Variants in GRIN2A observed in about 807,000 individuals in gnomAD.
The protein encoded by GRIN2A is glutamate ionotropic receptor NMDA type subunit 2A, also known as glutamate receptor ionotropic, NMDA 2A.
GRIN2A carries 22 observed loss-of-function variants against 113.4 expected under a neutral mutation model. That is an observed-to-expected ratio of 0.19 (90% CI 0.14 to 0.28). The LOEUF (loss-of-function observed/expected upper bound fraction) is 0.28, where lower values mean the gene tolerates loss of function less well. Among genes scored for constraint, GRIN2A ranks in the 10% least tolerant of loss-of-function variants. The pLI, the probability that GRIN2A is intolerant of heterozygous loss-of-function variation, is 1.00. For synonymous variants in GRIN2A, 827 were observed against 738.4 expected (o/e 1.12, Z -1.94); for missense variants, 1,502 against 1,887.0 (o/e 0.80, Z 3.78).
At chr16:9,855,036 T>A (rs1241692479) in intron 4 of GRIN2A, among the ~76,000 whole-genome samples, 1 of 151,786 alleles carries the variant, frequency 6.6e-6, no homozygotes, top group Admixed American at 6.6e-5. Flanking sequence ...GCTGTATACA[T>A]GTACATGTAT....
intron 9 of GRIN2A, 93 bp from the exon 10 acceptor site, chr16:9,822,517 T>C: frequency 1.1e-6 from 1 of 870,648 alleles, no homozygotes; most frequent in Non-Finnish European, 1.9e-6. Context: ...TAGTGATCAT[T>C]TTGTCTGGTG....
At chr16:10,052,093 T>G (rs1052431220) in intron 2 of GRIN2A, among the ~76,000 whole-genome samples, 1 of 152,230 alleles carries the variant, frequency 6.6e-6, no homozygotes, top group Non-Finnish European at 1.5e-5. Flanking sequence ...TAGTGGCCAG[T>G]AGACAATGGC....
intron 2 of GRIN2A, among the ~76,000 whole-genome samples, chr16:9,966,459 C>A (rs555434786): frequency 1.3e-5 from 2 of 152,278 alleles, no homozygotes; most frequent in East Asian, 1.9e-4. Context: ...TCATCCTTTT[C>A]TTATGGCTGC....
chr16:9,920,128 G>A (rs770544579), intron 3 of GRIN2A, among the ~76,000 whole-genome samples: 6 of 152,100 alleles, frequency 3.9e-5, no homozygotes, highest in Non-Finnish European at 7.3e-5. Flanking sequence ...TGTTTTGTGC[G>A]TGACTGTGTG....
rs549928199 is a variant in GRIN2A at position 9,922,857 on chromosome 16, T to G, written c.1007+15102A>C. 5.6e-4 allele frequency among the ~76,000 whole-genome samples: 85 copies of G among 152,366 alleles called. 2 individuals are homozygous for G. In the South Asian group the frequency reaches 0.017, roughly 31 times the overall value. On this transcript the variant is annotated intron_variant, in intron 3 of 12. Coordinates refer to ENST00000330684, the MANE Select transcript of GRIN2A (RefSeq NM_001134407.3). ...TTTCAAAGTGGTCACAGAAATACTT[T>G]GTGTTAGTGAATCCTTTTAAATATA...
intron 3 of GRIN2A, 50 bp from the exon 4 acceptor site, chr16:9,891,150 A>G (rs2043687880): frequency 1.9e-6 from 2 of 1,058,274 alleles, no homozygotes; most frequent in African/African-American, 3.1e-5. Flanking sequence ...AATTAGAGCA[A>G]TCGAACAAAT....
chr16:9,827,715 C>G (rs2042412220), intron 9 of GRIN2A, among the ~76,000 whole-genome samples: 1 of 152,152 alleles, frequency 6.6e-6, no homozygotes, highest in Non-Finnish European at 1.5e-5. Flanking sequence ...AAAGGTGGGG[C>G]TGGGCACACA....
chr16:9,988,288 T>TGTGTGTGTGTGC (rs1194967378), intron 2 of GRIN2A, among the ~76,000 whole-genome samples: 2 of 120,556 alleles, frequency 1.7e-5, no homozygotes, highest in Non-Finnish European at 3.8e-5. Context: ...TGTGTGCGTG[T>TGTGTGTGTGTGC]GTGTGTGTGT....
At chr16:10,095,042 G>C (rs8062512) in intron 2 of GRIN2A, among the ~76,000 whole-genome samples, 3 of 151,942 alleles carry the variant, frequency 2.0e-5, no homozygotes, top group Admixed American at 2.0e-4. Flanking sequence ...AGGACCCCAG[G>C]TTGATAGGAC....
intron 7 of GRIN2A, 64 bp downstream of exon 7, chr16:9,840,583 T>C (rs994628543): frequency 6.7e-7 from 1 of 1,484,314 alleles, no homozygotes; most frequent in Non-Finnish European, 9.4e-7. Context: ...TCCCATCCTC[T>C]GAGCAAACAA....
At chr16:9,884,617 T>C (rs890372134) in intron 4 of GRIN2A, among the ~76,000 whole-genome samples, 1 of 151,978 alleles carries the variant, frequency 6.6e-6, no homozygotes, top group Non-Finnish European at 1.5e-5. Context: ...AGAATTATTC[T>C]CAAAGCATTT....
chr16:9,968,262 TTGTATGTA>T (rs71157795), intron 2 of GRIN2A, among the ~76,000 whole-genome samples: 2,029 of 150,238 alleles, frequency 0.014, 33 homozygotes, highest in East Asian at 0.064. Flanking sequence ...CTCTATTGAC[TTGTATGTA>T]TGTATGTATG....
intron 3 of GRIN2A, among the ~76,000 whole-genome samples, chr16:9,914,096 TA>T (rs61449281): frequency 0.032 from 4,501 of 141,344 alleles, 172 homozygotes; most frequent in African/African-American, 0.091. Flanking sequence ...CATTCTTGGT[TA>T]AAAAAAAAAA....
intron 2 of GRIN2A, among the ~76,000 whole-genome samples, chr16:10,037,692 C>T (rs903567316): frequency 6.6e-6 from 1 of 152,116 alleles, no homozygotes; most frequent in Non-Finnish European, 1.5e-5. Flanking sequence ...GCGGAGTGAT[C>T]AGAGTTCACT....
chr16:9,840,594 G>T, intron 7 of GRIN2A, 53 bp downstream of exon 7: 1 of 1,545,466 alleles, frequency 6.5e-7, no homozygotes, highest in Non-Finnish European at 8.9e-7. Context: ...GAGCAAACAA[G>T]ATTTCCTACA....
intron 2 of GRIN2A, among the ~76,000 whole-genome samples, chr16:10,152,247 G>C (rs1433979500): frequency 6.6e-6 from 1 of 152,168 alleles, no homozygotes; most frequent in Admixed American, 6.5e-5. Context: ...AAGTTAGGAA[G>C]AGTCAGGGTT....
rs114900151 is a variant in GRIN2A at position 9,969,505 on chromosome 16, C to T, written c.415-30954G>A. Among the ~76,000 whole-genome samples, 1,296 of 152,256 alleles carry T rather than the reference C, an allele frequency of 8.5e-3. 21 individuals carry two copies. The highest frequency in any genetic ancestry group is 0.03 in the African/African-American group (1,252 of 41,542). On this transcript the variant is annotated intron_variant, in intron 2 of 12. Transcript: ENST00000330684. ...CAATGCCTTCCAAATCCAGATCATT[C>T]CACTGGGCTTTGATATTTAAAGAAC... is the stretch of plus-strand genomic sequence containing the variant.
At chr16:10,136,275 T>C (rs762034272) in intron 2 of GRIN2A, among the ~76,000 whole-genome samples, 2 of 152,022 alleles carry the variant, frequency 1.3e-5, no homozygotes, top group East Asian at 3.9e-4. Context: ...ACACGCAATA[T>C]CATCCCACCT....
chr16:10,046,003 T>A (rs1267205880), intron 2 of GRIN2A, among the ~76,000 whole-genome samples: 9 of 152,182 alleles, frequency 5.9e-5, no homozygotes, highest in African/African-American at 2.2e-4. Flanking sequence ...AACACCTACC[T>A]GTGAACACCA....
Sources: allele counts gnomAD v4.1 joint callset (sites outside exome capture counted in the v4.1 genomes callset), GRCh38; gene constraint gnomAD v4.1.1; transcripts MANE v1.5; gene names NCBI Gene and HGNC (gene_info 2026-07-23, HGNC 2026-07-21).